The following ITPRID1 variants were observed in gnomAD, a reference collection of about 807,000 sequenced individuals.
The protein encoded by ITPRID1 is protein ITPRID1.
In ITPRID1, 96 loss-of-function variants were observed where a neutral mutation model predicts 95.4. The observed-to-expected ratio is 1.01, with a 90% CI of 0.85 to 1.19. The LOEUF (loss-of-function observed/expected upper bound fraction) is 1.19, where lower values mean the gene tolerates loss of function less well. Among genes scored for constraint, ITPRID1 ranks in the 50% most tolerant of loss-of-function variants. The pLI is 0.00. For synonymous variants in ITPRID1, 510 were observed against 453.6 expected (o/e 1.12, Z -1.58); for missense variants, 1,339 against 1,252.9 (o/e 1.07, Z -1.04).
intron 10 of ITPRID1, among the ~76,000 whole-genome samples, chr7:31,605,137 CA>C (rs11462101): frequency 7.5e-5 from 11 of 146,456 alleles, no homozygotes; most frequent in African/African-American, 1.3e-4. Flanking sequence ...GACCCCATCT[CA>C]AAAAAAAAAA....
intron 6 of ITPRID1, among the ~76,000 whole-genome samples, chr7:31,571,756 A>G (rs941215892): frequency 2.6e-5 from 4 of 152,228 alleles, no homozygotes; most frequent in African/African-American, 9.6e-5. Flanking sequence ...CTTTCAGCAT[A>G]TAATTTTAAC....
intron 8 of ITPRID1, among the ~76,000 whole-genome samples, chr7:31,577,394 T>C (rs1229540669): frequency 6.6e-6 from 1 of 152,224 alleles, no homozygotes; most frequent in East Asian, 1.9e-4. Context: ...TCTGACTCTA[T>C]ATGCCATGAT....
chr7:31,651,325 G>A, intron 13 of ITPRID1, 56 bp downstream of exon 13: 2 of 1,587,346 alleles, frequency 1.3e-6, no homozygotes. Context: ...CTGGAGCAAG[G>A]AAGATAATCA....
At chr7:31,514,924 A>C (rs1783000024) in intron 1 of ITPRID1, among the ~76,000 whole-genome samples, 1 of 151,862 alleles carries the variant, frequency 6.6e-6, no homozygotes, top group South Asian at 2.1e-4. Context: ...TTGTGTTTTT[A>C]GCAGGTACCT....
chr7:31,533,460 T>C (rs1783665379), intron 1 of ITPRID1, among the ~76,000 whole-genome samples: 1 of 152,210 alleles, frequency 6.6e-6, no homozygotes, highest in Non-Finnish European at 1.5e-5. Flanking sequence ...ATCTGTTTTG[T>C]ATTTTATTGA....
chr7:31,652,653 C>T lies in ITPRID1; in HGVS notation c.2959C>T (p.Pro987Ser). The change falls in exon 15 of 15, where the codon CCC becomes TCC. Residue 987 changes from proline to serine, a missense_variant. Pro to Ser is a moderately conservative substitution (Grantham distance 74). Transcript: ENST00000615280. The part of the protein sequence containing the change: ...PGMAPRTVFP[P>S]DDGQEAPCSG... ...CATGGCCCCGAGGACTGTGTTTCCT[C>T]CCGATGATGGCCAGGAGGCTCCCTG... The T allele has an allele frequency of 2.5e-6, 4 of 1,613,852 alleles. No individual in the cohort carries two copies. The highest frequency in any genetic ancestry group is 2.5e-6 in the Non-Finnish European group (3 of 1,179,856).
intron 1 of ITPRID1, among the ~76,000 whole-genome samples, chr7:31,522,415 G>A (rs1783294265): frequency 6.6e-6 from 1 of 152,148 alleles, no homozygotes; most frequent in African/African-American, 2.4e-5. Flanking sequence ...GCCTTCTTGG[G>A]GATACATTGA....
At chr7:31,647,998 A>G (rs1362368539) in intron 12 of ITPRID1, among the ~76,000 whole-genome samples, 4 of 152,172 alleles carry the variant, frequency 2.6e-5, no homozygotes, top group Non-Finnish European at 4.4e-5. Flanking sequence ...GTATAACTAA[A>G]TTGTTATATA....
At chr7:31,613,720 G>A (rs1025809217) in intron 10 of ITPRID1, among the ~76,000 whole-genome samples, 15 of 152,120 alleles carry the variant, frequency 9.9e-5, no homozygotes, top group East Asian at 5.8e-4. Flanking sequence ...CAGTGGCTAC[G>A]TCTATATTTA....
At chr7:31,568,126 A>AG (rs535716238) in intron 5 of ITPRID1, among the ~76,000 whole-genome samples, 195 of 151,730 alleles carry the variant, frequency 1.3e-3, no homozygotes, top group African/African-American at 4.5e-3. Context: ...CTGTCTGAAA[A>AG]AAAAAAAAAA....
chr7:31,604,978 A>T lies in ITPRID1; in HGVS notation c.1228+21787A>T, dbSNP rs182429733. ...TGGTGAAACCTCATTTCAACTAAAA[A>T]TACAAAAAAATTAGCCGGGGGTGGT... On this transcript the variant is annotated intron_variant, in intron 10 of 14. Coordinates refer to ENST00000615280, the MANE Select transcript of ITPRID1 (RefSeq NM_001257967.3). Among the ~76,000 whole-genome samples the T allele has an allele frequency of 1.3e-3, 205 of 152,240 alleles. 1 individual carries two copies. The Middle Eastern group carries it at 0.024, about 18-fold the overall frequency.
At chr7:31,558,243 G>A (rs1247506387) in intron 5 of ITPRID1, among the ~76,000 whole-genome samples, 3 of 152,164 alleles carry the variant, frequency 2.0e-5, no homozygotes, top group South Asian at 2.1e-4. Context: ...ACAGTTGTGA[G>A]CCAAATAAAC....
intron 5 of ITPRID1, among the ~76,000 whole-genome samples, chr7:31,565,503 C>T (rs941344026): frequency 5.3e-5 from 8 of 152,080 alleles, no homozygotes; most frequent in Non-Finnish European, 1.2e-4. Flanking sequence ...TGGGAAGCCA[C>T]AGTGGGCAGA....
At position 31,652,626 on chromosome 7, in the gene ITPRID1, G is replaced by T. The variant is rs770684006; in HGVS notation, c.2932G>T (p.Gly978Cys). The T allele has an allele frequency of 2.5e-6, 4 of 1,613,608 alleles. No individual in the cohort carries two copies. In the African/African-American group the frequency reaches 5.3e-5, roughly 22 times the overall value. Reference protein sequence around the residue: ...GQTSCSKIHPGMAPRTVFPPD... With the variant: ...GQTSCSKIHPCMAPRTVFPPD... ...GACTTCATGTTCTAAAATCCACCCAGGCATGGCCCCGAGGACTGTGTTTCC... is the reference window on the plus strand; with the variant it reads ...GACTTCATGTTCTAAAATCCACCCATGCATGGCCCCGAGGACTGTGTTTCC... Residue 978 changes from glycine to cysteine, a missense_variant, in exon 15 of 15, where the codon GGC (glycine) becomes TGC (cysteine). Physicochemically the swap from Gly to Cys is radical, Grantham distance 159. Coordinates refer to ENST00000615280, the MANE Select transcript of ITPRID1 (RefSeq NM_001257967.3).
chr7:31,521,760 A>C (rs1783268799), intron 1 of ITPRID1, among the ~76,000 whole-genome samples: 1 of 138,532 alleles, frequency 7.2e-6, no homozygotes, highest in Admixed American at 7.7e-5. Flanking sequence ...TCGTTCTCTC[A>C]CCCAAGCTAT....
At chr7:31,609,527 TCAATACCTTATACCTTTCTAG>T (rs1201427339) in intron 10 of ITPRID1, among the ~76,000 whole-genome samples, 1 of 151,634 alleles carries the variant, frequency 6.6e-6, no homozygotes, top group Non-Finnish European at 1.5e-5. Context: ...AGAATAAGTT[TCAATACCTTATACCTTTCTAG>T]AAATGTATCC....
At chr7:31,538,926 G>T (rs1783845552) in intron 1 of ITPRID1, among the ~76,000 whole-genome samples, 1 of 152,064 alleles carries the variant, frequency 6.6e-6, no homozygotes, top group Non-Finnish European at 1.5e-5. Flanking sequence ...CAATTACGGT[G>T]GTTCCTGAAA....
intron 5 of ITPRID1, among the ~76,000 whole-genome samples, chr7:31,563,387 A>T (rs943858148): frequency 3.3e-5 from 5 of 152,062 alleles, no homozygotes; most frequent in African/African-American, 1.2e-4. Flanking sequence ...AAAATCCAGA[A>T]AGAGGGAATA....
At chr7:31,599,667 TCTCTCTC>T (rs1786295420) in intron 10 of ITPRID1, among the ~76,000 whole-genome samples, 3 of 124,640 alleles carry the variant, frequency 2.4e-5, no homozygotes, top group South Asian at 2.5e-4. Flanking sequence ...TTCCTTTCTC[TCTCTCTC>T]TCTCTCTCTC....
Sources: gnomAD v4.1 joint callset for allele counts (sites outside exome capture counted in the v4.1 genomes callset) on GRCh38, gnomAD v4.1.1 for gene constraint, MANE v1.5 for transcripts, NCBI Gene and HGNC (gene_info 2026-07-23, HGNC 2026-07-21) for gene names.